SH3PXD2A: variants seen among roughly 807,000 people sequenced by gnomAD.
The protein encoded by SH3PXD2A is SH3 and PX domain-containing protein 2A.
A neutral mutation model predicts 115.2 loss-of-function variants in SH3PXD2A; 32 were observed. That is an observed-to-expected ratio of 0.28 (90% CI 0.21 to 0.37). SH3PXD2A has a LOEUF of 0.37. Among genes scored for constraint, SH3PXD2A ranks in the 10% least tolerant of loss-of-function variants. SH3PXD2A has a pLI of 1.00. For synonymous variants in SH3PXD2A, 610 were observed against 629.1 expected, an observed-to-expected ratio of 0.97 and a Z score of 0.45; for missense variants, 1,328 against 1,498.7, an observed-to-expected ratio of 0.89 and a Z score of 1.88.
At position 103,607,229 on chromosome 10, in the gene SH3PXD2A, G is replaced by A. The variant is rs1476461996; in HGVS notation, c.1309-1312C>T. Among the ~76,000 whole-genome samples the A allele has an allele frequency of 4.1e-5, 6 of 147,144 alleles. No individual in the cohort carries two copies. The East Asian group carries it at 1.3e-3, about 31-fold the overall frequency. On this transcript the variant is annotated intron_variant, in intron 13 of 14. Transcript: ENST00000369774. The stretch of plus-strand genomic sequence containing the variant: ...AGGAGCCTCTCTGCCCAGCCGCCCC[G>A]TCTGGGAAGTGAGGAGACTCTCCGC...
intron 1 of SH3PXD2A, among the ~76,000 whole-genome samples, chr10:103,820,151 C>T (rs1564897282): frequency 6.6e-6 from 1 of 152,202 alleles, no homozygotes; most frequent in Non-Finnish European, 1.5e-5. Context: ...CGCTCCCAGG[C>T]ACCGGATCTG....
intron 4 of SH3PXD2A, among the ~76,000 whole-genome samples, chr10:103,727,745 C>T (rs926254712): frequency 4.6e-5 from 7 of 152,202 alleles, no homozygotes; most frequent in Non-Finnish European, 7.4e-5. Context: ...GACAAAGAGG[C>T]CTTTTGGTGG....
rs1015120596 is a variant in SH3PXD2A, at chr10:103,596,445, A to T, written c.*5371T>A. The stretch of plus-strand genomic sequence containing the variant: ...AAAATAATTACAAAAAGAAAAAAAA[A>T]TGACACATTGCACTCTCCAGCCAGA... On this transcript the variant is annotated 3_prime_UTR_variant, in exon 15 of 15. Coordinates refer to ENST00000369774, the MANE Select transcript of SH3PXD2A (RefSeq NM_001394015.1). 1 of 151,888 alleles carries T rather than the reference A, an allele frequency of 6.6e-6. No homozygotes were observed. Among genetic ancestry groups the T allele is most frequent in the Non-Finnish European group, 1.5e-5 (1 of 67,886 alleles). The allele number at this position is 151,888 out of a possible 1,614,324, so 9.4% of individuals were successfully genotyped here. A position where few individuals can be genotyped will look rare whatever the true frequency, so the allele number is the denominator to read the frequency against.
At chr10:103,747,574 G>A (rs1278820894) in intron 3 of SH3PXD2A, among the ~76,000 whole-genome samples, 1 of 152,172 alleles carries the variant, frequency 6.6e-6, no homozygotes, top group African/African-American at 2.4e-5. Flanking sequence ...ACTGCAGAAT[G>A]GCCCAGCCAG....
chr10:103,615,609 A>G (rs896570363), intron 11 of SH3PXD2A, among the ~76,000 whole-genome samples: 15 of 151,520 alleles, frequency 9.9e-5, no homozygotes, highest in African/African-American at 3.6e-4. Context: ...GGCATATTTA[A>G]GGGGGTGTCT....
chr10:103,649,418 C>G (rs564305381), intron 8 of SH3PXD2A, among the ~76,000 whole-genome samples: 2 of 152,206 alleles, frequency 1.3e-5, no homozygotes, highest in Non-Finnish European at 2.9e-5. Flanking sequence ...CTTCCTCCCT[C>G]GATGGCACGC....
intron 6 of SH3PXD2A, among the ~76,000 whole-genome samples, chr10:103,680,191 C>G (rs911773694): frequency 2.0e-5 from 3 of 152,090 alleles, no homozygotes; most frequent in African/African-American, 7.2e-5. Flanking sequence ...GTTGGCCAGG[C>G]TGGTCTCAAA....
chr10:103,773,304 C>G (rs2038847977), intron 2 of SH3PXD2A, among the ~76,000 whole-genome samples: 1 of 151,800 alleles, frequency 6.6e-6, no homozygotes, highest in East Asian at 1.9e-4. Context: ...CGGGAAACCT[C>G]AGAATTCATT....
At chr10:103,667,086 C>CATAT (rs1452855440) in intron 7 of SH3PXD2A, among the ~76,000 whole-genome samples, 1 of 152,162 alleles carries the variant, frequency 6.6e-6, no homozygotes, top group East Asian at 1.9e-4. Flanking sequence ...CTCTGAGTTT[C>CATAT]CTGTCTCATA....
chr10:103,747,747 G>T (rs1022524433), intron 3 of SH3PXD2A, among the ~76,000 whole-genome samples: 2 of 152,216 alleles, frequency 1.3e-5, no homozygotes, highest in Non-Finnish European at 2.9e-5. Context: ...GCCAGCCACA[G>T]GGGAGTTTGC....
chr10:103,625,593 A>G (rs3781354), intron 9 of SH3PXD2A, among the ~76,000 whole-genome samples: 72,140 of 152,126 alleles, frequency 0.47, 17,669 homozygotes, highest in South Asian at 0.73. Flanking sequence ...GGCATGCCCT[A>G]TAGAATGTGG....
At chr10:103,663,791 A>G (rs78006461) in intron 7 of SH3PXD2A, among the ~76,000 whole-genome samples, 4,812 of 152,318 alleles carry the variant, frequency 0.032, 112 homozygotes, top group Middle Eastern at 0.051. Flanking sequence ...AAAGAAACCC[A>G]CTGCCCCCCG....
chr10:103,821,001 C>T (rs1194985252), intron 1 of SH3PXD2A, among the ~76,000 whole-genome samples: 1 of 152,176 alleles, frequency 6.6e-6, no homozygotes, highest in Non-Finnish European at 1.5e-5. Flanking sequence ...TTCTCTGACC[C>T]TGCATTTCCT....
chr10:103,704,261 C>T (rs967345979), intron 5 of SH3PXD2A, among the ~76,000 whole-genome samples: 9 of 152,070 alleles, frequency 5.9e-5, no homozygotes, highest in Non-Finnish European at 1.2e-4. Context: ...AAGGTGGGGG[C>T]GGTGGCCACT....
intron 1 of SH3PXD2A, among the ~76,000 whole-genome samples, chr10:103,824,951 C>A (rs114214167): frequency 2.2e-4 from 33 of 152,298 alleles, no homozygotes; most frequent in African/African-American, 7.7e-4. Context: ...TACAGAAGTG[C>A]ACCACCAAGC....
intron 1 of SH3PXD2A, among the ~76,000 whole-genome samples, chr10:103,810,389 C>A (rs1030498878): frequency 1.3e-5 from 2 of 152,190 alleles, no homozygotes; most frequent in African/African-American, 4.8e-5. Flanking sequence ...CGCACACTGA[C>A]AAATCACGGA....
chr10:103,674,493 G>C (rs556946736), intron 6 of SH3PXD2A, among the ~76,000 whole-genome samples: 1 of 152,298 alleles, frequency 6.6e-6, no homozygotes, highest in South Asian at 2.1e-4. Flanking sequence ...GAAAAACACG[G>C]ATGGCCAATT....
intron 3 of SH3PXD2A, among the ~76,000 whole-genome samples, chr10:103,738,215 A>C (rs1191682440): frequency 6.6e-6 from 1 of 152,228 alleles, no homozygotes; most frequent in Admixed American, 6.5e-5. Context: ...GAAAGGAGAT[A>C]AAACGTGATT....
At chr10:103,688,083 G>A (rs1592302040) in intron 6 of SH3PXD2A, among the ~76,000 whole-genome samples, 1 of 152,184 alleles carries the variant, frequency 6.6e-6, no homozygotes, top group South Asian at 2.1e-4. Flanking sequence ...GACACCTTGC[G>A]CAGTGCTTGG....
Sources: gnomAD v4.1 joint callset for allele counts (sites outside exome capture counted in the v4.1 genomes callset) on GRCh38, gnomAD v4.1.1 for gene constraint, MANE v1.5 for transcripts, NCBI Gene and HGNC (gene_info 2026-07-23, HGNC 2026-07-21) for gene names.